The following TRIM67 variants were observed in gnomAD, a reference collection of about 807,000 sequenced individuals.
TRIM67 encodes tripartite motif containing 67.
In TRIM67, 39 loss-of-function variants were observed where a neutral mutation model predicts 71.0. The ratio of observed to expected loss-of-function variants is 0.55; its 90% confidence interval spans 0.43 to 0.72. TRIM67 has a LOEUF of 0.72. TRIM67 is among the 30% of genes least tolerant of loss of function. The pLI, the probability that TRIM67 is intolerant of heterozygous loss-of-function variation, is 0.00. For synonymous variants in TRIM67, 481 were observed against 473.9 expected (o/e 1.01, Z -0.19); for missense variants, 973 against 1,079.2 (o/e 0.90, Z 1.38).
At chr1:231,204,110 A>T in intron 6 of TRIM67, 98 bp downstream of exon 6, 1 of 1,529,464 alleles carries the variant, frequency 6.5e-7, no homozygotes, top group Admixed American at 1.8e-5. Flanking sequence ...CCATGGGGAC[A>T]TTGTGTTGCC....
rs1683784674 is a variant in TRIM67, at chr1:231,208,864, T to C, written c.1820-83T>C. Reference sequence around the variant, plus strand: ...GTGCCGACTTTCTAACAGAAGCGAATGTGTTTGTGTCTCTGAGCCGGTTAG... The same window carrying C: ...GTGCCGACTTTCTAACAGAAGCGAACGTGTTTGTGTCTCTGAGCCGGTTAG... On this transcript the variant is annotated intron_variant, in intron 7 of 9. Transcript: ENST00000366653. 7 of 1,366,918 alleles carry C rather than the reference T, an allele frequency of 5.1e-6. No individual in the cohort carries two copies. In the East Asian group the frequency reaches 9.3e-5, roughly 18 times the overall value. The allele number at this position is 1,366,918 out of a possible 1,614,324, so 84.7% of individuals were successfully genotyped here. A position where few individuals can be genotyped will look rare whatever the true frequency, so the allele number is the denominator to read the frequency against.
chr1:231,163,156 G>T lies in TRIM67; in HGVS notation c.187G>T (p.Ala63Ser). 6.6e-7 allele frequency: 1 copy of T among 1,507,760 alleles called. No homozygotes were observed. The highest frequency in any genetic ancestry group is 8.9e-7 in the Non-Finnish European group (1 of 1,127,646). 93.4% of individuals were successfully genotyped at this position (1,507,760 alleles called of 1,614,324 possible). A position where few individuals can be genotyped will look rare whatever the true frequency, so the allele number is the denominator to read the frequency against. The part of the protein sequence containing the change: ...RGSGLQAGAA[A>S]AASLEHDAAA... ...ATCGGGGCTGCAGGCGGGCGCCGCC[G>T]CCGCTGCCTCTCTGGAGCACGACGC... Residue 63 changes from alanine (A) to serine (S), a missense_variant, in exon 1 of 10, where the codon GCC becomes TCC. Ala to Ser is a moderately conservative substitution (Grantham distance 99, BLOSUM62 1). Transcript: ENST00000366653.
Position 231,186,164 on chromosome 1 carries a change from C to G in TRIM67, c.1045-11207C>G, listed in dbSNP as rs568738248. 8.9e-5 allele frequency: 137 copies of G among 1,531,002 alleles called. 2 individuals are homozygous for G. In the African/African-American group the frequency reaches 1.6e-3, roughly 18 times the overall value. The allele number at this position is 1,531,002 out of a possible 1,614,324, so 94.8% of individuals were successfully genotyped here. A position where few individuals can be genotyped will look rare whatever the true frequency, so the allele number is the denominator to read the frequency against. On this transcript the variant is annotated intron_variant, in intron 1 of 9. Transcript: ENST00000366653. ...GCTTGACAGCCAGGCTGAGGCGCTCCCTCTTTGTTCTGCATGAATCACAGC... is the reference window on the plus strand; with the variant it reads ...GCTTGACAGCCAGGCTGAGGCGCTCGCTCTTTGTTCTGCATGAATCACAGC...
At chr1:231,207,317 G>A (rs563822569) in intron 7 of TRIM67, among the ~76,000 whole-genome samples, 6 of 152,274 alleles carry the variant, frequency 3.9e-5, no homozygotes, top group African/African-American at 1.2e-4. Flanking sequence ...TTCTCACAGC[G>A]GAAAAGTGCC....
In TRIM67 at chr1:231,162,511, G is replaced by C. The variant is rs966742414; in HGVS notation, c.-459G>C. ...CTCGCTATCACCCCGATAAGGAGTT[G>C]GGCCGGGGCAGAAGGGGGGCCTCGG... On this transcript the variant is annotated 5_prime_UTR_variant, in exon 1 of 10. Coordinates refer to ENST00000366653, the MANE Select transcript of TRIM67 (RefSeq NM_001004342.5). 2 of 175,390 alleles carry C rather than the reference G, an allele frequency of 1.1e-5. No individual in the cohort carries two copies. The highest frequency in any genetic ancestry group is 2.4e-5 in the Non-Finnish European group (2 of 83,880). The allele number at this position is 175,390 out of a possible 1,614,324, so 10.9% of individuals were successfully genotyped here.
chr1:231,219,750 G>A lies in TRIM67; in HGVS notation c.*4310G>A. On this transcript the variant is annotated 3_prime_UTR_variant, in exon 10 of 10. Transcript: ENST00000366653. ...ATTGGCAAATATTCAAGATGGTGAT[G>A]CTGGAAAATTTCAGGACTTTTCTTT... 2 of 1,200,572 alleles carry A rather than the reference G, an allele frequency of 1.7e-6. No homozygotes were observed. The highest frequency in any genetic ancestry group is 1.1e-6 in the Non-Finnish European group (1 of 948,756). 74.4% of individuals were successfully genotyped at this position (1,200,572 alleles called of 1,614,324 possible).
intron 8 of TRIM67, among the ~76,000 whole-genome samples, chr1:231,210,404 G>A (rs935516729): frequency 3.3e-5 from 5 of 151,840 alleles, no homozygotes; most frequent in Non-Finnish European, 7.4e-5. Flanking sequence ...ACTTGCCTGA[G>A]GGCCCTCAGG....
Position 231,164,162 on chromosome 1 carries a change from AG to A in TRIM67, c.1044+150del, listed in dbSNP as rs1228004203. 2.8e-6 allele frequency: 3 copies of A among 1,085,666 alleles called. No homozygotes were observed. The African/African-American group carries it at 4.9e-5, about 18-fold the overall frequency. The allele number at this position is 1,085,666 out of a possible 1,614,324, so 67.3% of individuals were successfully genotyped here. On this transcript the variant is annotated intron_variant, in intron 1 of 9. Transcript: ENST00000366653. ...TCATTAGCCATTCATTCCATCAGAT[AG>A]TCATTTGACAAACAGGTAAGGGACT...
chr1:231,211,050 A>ATTT (rs10626734), intron 8 of TRIM67, among the ~76,000 whole-genome samples: 2 of 135,612 alleles, frequency 1.5e-5, no homozygotes, highest in Non-Finnish European at 3.1e-5. Context: ...ATATATATAT[A>ATTT]TTTTGTTTGT....
chr1:231,188,250 C>CATCCT (rs1571884038), intron 1 of TRIM67, among the ~76,000 whole-genome samples: 1 of 152,216 alleles, frequency 6.6e-6, no homozygotes, highest in East Asian at 1.9e-4. Context: ...CCACATGTGT[C>CATCCT]CCCTGCAGTG....
intron 1 of TRIM67, chr1:231,186,102 C>T (rs1558296812): frequency 8.5e-6 from 13 of 1,533,140 alleles, no homozygotes; most frequent in South Asian, 2.4e-5. Flanking sequence ...GGCTGGCAGT[C>T]GCTTGCTGAA....
chr1:231,163,732 C>A lies in TRIM67; in HGVS notation c.763C>A (p.Pro255Thr). 1 of 1,491,620 alleles carries A rather than the reference C, an allele frequency of 6.7e-7. No individual in the cohort carries two copies. Among genetic ancestry groups the A allele is most frequent in the South Asian group, 1.3e-5 (1 of 78,362 alleles). The allele number at this position is 1,491,620 out of a possible 1,614,324, so 92.4% of individuals were successfully genotyped here. ...CAAGCATCGCCTGGTGCAGCCGCCG[C>A]CGCCGCCGCCGCCGCCCGCCGAGGC... ...FAKHRLVQPP[P>T]PPPPPAEAAS... Residue 255 changes from proline (P) to threonine (T), a missense_variant, in exon 1 of 10, where the codon CCG becomes ACG. By Grantham distance (38) the Pro-to-Thr change is conservative (BLOSUM62 -1). Coordinates refer to ENST00000366653, the MANE Select transcript of TRIM67 (RefSeq NM_001004342.5).
In TRIM67 at chr1:231,185,810, T is replaced by C. The variant is rs1482192712; in HGVS notation, c.1045-11561T>C. Among the ~76,000 whole-genome samples, 4 of 151,700 alleles carry C rather than the reference T, an allele frequency of 2.6e-5. 1 individual carries two copies. The highest frequency in any genetic ancestry group is 9.7e-5 in the African/African-American group (4 of 41,050). Reference sequence around the variant, plus strand: ...TGATGGCGAGGGCCACAGTCGGAGGTAAGCGAGAGGTGATGGCAGAACAGA... The same window carrying C: ...TGATGGCGAGGGCCACAGTCGGAGGCAAGCGAGAGGTGATGGCAGAACAGA... On this transcript the variant is annotated intron_variant, in intron 1 of 9. Transcript: ENST00000366653.
chr1:231,192,722 G>A (rs1389986986), intron 1 of TRIM67, among the ~76,000 whole-genome samples: 1 of 152,356 alleles, frequency 6.6e-6, no homozygotes, highest in Admixed American at 6.5e-5. Context: ...TGCAGACCAG[G>A]GCACAGGGCC....
At chr1:231,168,256 G>A in intron 1 of TRIM67, among the ~76,000 whole-genome samples, 1 of 151,750 alleles carries the variant, frequency 6.6e-6, no homozygotes, top group East Asian at 2.0e-4. Context: ...CTGTAGGCGT[G>A]AGCGACTGCA....
intron 1 of TRIM67, among the ~76,000 whole-genome samples, chr1:231,190,598 G>T (rs1014956388): frequency 6.6e-5 from 10 of 152,090 alleles, no homozygotes; most frequent in Non-Finnish European, 8.8e-5. Flanking sequence ...TGCTCCCTTC[G>T]TAGCCAATGC....
chr1:231,168,665 A>G (rs1156494444), intron 1 of TRIM67, among the ~76,000 whole-genome samples: 1 of 152,200 alleles, frequency 6.6e-6, no homozygotes, highest in Non-Finnish European at 1.5e-5. Flanking sequence ...TGTTATAACT[A>G]TTTTTAAAAA....
intron 6 of TRIM67, 116 bp downstream of exon 6, chr1:231,204,128 G>C (rs2093668726): frequency 1.6e-5 from 23 of 1,448,142 alleles, no homozygotes; most frequent in Non-Finnish European, 2.1e-5. Flanking sequence ...GCCATCCTGA[G>C]GGGACACTGG....
intron 6 of TRIM67, 22 bp from the exon 7 acceptor site, chr1:231,206,630 G>A: frequency 1.3e-6 from 2 of 1,555,538 alleles, no homozygotes; most frequent in South Asian, 2.4e-5. Context: ...GGAGCCTGGT[G>A]AGCAGCATTG....
Sources: allele counts gnomAD v4.1 joint callset (sites outside exome capture counted in the v4.1 genomes callset), GRCh38; gene constraint gnomAD v4.1.1; transcripts MANE v1.5; gene names NCBI Gene and HGNC (gene_info 2026-07-23, HGNC 2026-07-21).